NEK7: variants seen among roughly 807,000 people sequenced by gnomAD.
NEK7 encodes serine/threonine-protein kinase Nek7.
In NEK7, 18 loss-of-function variants were observed where a neutral mutation model predicts 44.6. The observed-to-expected ratio is 0.40, with a 90% confidence interval of 0.28 to 0.60. The LOEUF is 0.60. Ranked by LOEUF, NEK7 falls within the 20% of genes least tolerant of loss-of-function variation. The pLI is 0.38. For synonymous variants in NEK7, 130 were observed against 121.1 expected, an observed-to-expected ratio of 1.07 and a Z score of -0.48; for missense variants, 256 against 366.5, an observed-to-expected ratio of 0.70 and a Z score of 2.46.
At chr1:198,292,735 C>G (rs1298518554) in intron 7 of NEK7, among the ~76,000 whole-genome samples, 1 of 151,852 alleles carries the variant, frequency 6.6e-6, no homozygotes, top group Non-Finnish European at 1.5e-5. Flanking sequence ...TAACCCACCA[C>G]ATTGTTTAGT....
intron 1 of NEK7, among the ~76,000 whole-genome samples, chr1:198,158,097 G>C (rs554711387): frequency 5.5e-4 from 83 of 152,272 alleles, no homozygotes; most frequent in African/African-American, 1.9e-3. Context: ...TAAAACCGCA[G>C]CATCCTCTAT....
chr1:198,224,961 G>A (rs1666171196), intron 1 of NEK7, among the ~76,000 whole-genome samples: 1 of 152,106 alleles, frequency 6.6e-6, no homozygotes, highest in African/African-American at 2.4e-5. Context: ...TGGACAGTTG[G>A]ATGTAGGCGT....
At chr1:198,162,713 A>G (rs1240128992) in intron 1 of NEK7, among the ~76,000 whole-genome samples, 1 of 151,598 alleles carries the variant, frequency 6.6e-6, no homozygotes, top group East Asian at 1.9e-4. Flanking sequence ...TGCCATTTCC[A>G]CTTCCTCTGC....
chr1:198,267,898 C>G (rs1277929810), intron 5 of NEK7, among the ~76,000 whole-genome samples: 5 of 151,992 alleles, frequency 3.3e-5, no homozygotes, highest in Non-Finnish European at 5.9e-5. Flanking sequence ...ACCTACCACT[C>G]GTAATGGCTC....
intron 7 of NEK7, among the ~76,000 whole-genome samples, chr1:198,288,513 G>A (rs959793064): frequency 6.6e-6 from 1 of 152,120 alleles, no homozygotes; most frequent in Non-Finnish European, 1.5e-5. Context: ...CAGTTATAAT[G>A]AAATAACCAT....
rs16842669 is a variant in NEK7 at position 198,281,679 on chromosome 1, C to G, written c.589+2618C>G. On this transcript the variant is annotated intron_variant, in intron 7 of 9. Coordinates refer to ENST00000367385, the MANE Select transcript of NEK7 (RefSeq NM_133494.3). ...TCAAAATACATTTTTGTTGAAAAAT[C>G]AAGATACGATTTTAACTCATTTTAA... 9.9e-5 allele frequency among the ~76,000 whole-genome samples: 15 copies of G among 151,962 alleles called. No homozygotes were observed. In the South Asian group the frequency reaches 2.5e-3, roughly 25 times the overall value.
At chr1:198,210,878 A>G (rs1344041010) in intron 1 of NEK7, among the ~76,000 whole-genome samples, 1 of 145,984 alleles carries the variant, frequency 6.9e-6, no homozygotes. Context: ...TCAGCCTCCC[A>G]AGTAGCTGGG....
At chr1:198,201,041 G>A (rs1665416916) in intron 1 of NEK7, among the ~76,000 whole-genome samples, 3 of 152,142 alleles carry the variant, frequency 2.0e-5, no homozygotes, top group South Asian at 4.1e-4. Flanking sequence ...GAGATTTATA[G>A]GATTTTAGGT....
At chr1:198,295,284 AAAG>A (rs1408560573) in intron 8 of NEK7, among the ~76,000 whole-genome samples, 1 of 152,134 alleles carries the variant, frequency 6.6e-6, no homozygotes, top group Non-Finnish European at 1.5e-5. Context: ...GTTCAAAAAA[AAAG>A]AGAGCTGCCA....
At chr1:198,261,036 T>C (rs562254163) in intron 3 of NEK7, among the ~76,000 whole-genome samples, 28 of 152,178 alleles carry the variant, frequency 1.8e-4, no homozygotes, top group African/African-American at 6.7e-4. Context: ...TTGCCTCTTA[T>C]AAGCTGTAAT....
At chr1:198,314,424 C>G (rs1249768620) in intron 9 of NEK7, among the ~76,000 whole-genome samples, 1 of 152,244 alleles carries the variant, frequency 6.6e-6, no homozygotes, top group Non-Finnish European at 1.5e-5. Flanking sequence ...AAGTCTTCTT[C>G]TCTCAGCTTG....
intron 5 of NEK7, among the ~76,000 whole-genome samples, chr1:198,271,922 T>TACAC (rs1404803764): frequency 1.2e-4 from 18 of 145,026 alleles, no homozygotes; most frequent in African/African-American, 2.3e-4. Context: ...TATATATATA[T>TACAC]ATACACACAC....
At chr1:198,201,682 T>C (rs1025037238) in intron 1 of NEK7, among the ~76,000 whole-genome samples, 2 of 152,246 alleles carry the variant, frequency 1.3e-5, no homozygotes, top group Non-Finnish European at 2.9e-5. Flanking sequence ...TTTGTCCTTA[T>C]ATAATTTTTA....
chr1:198,200,930 T>C (rs1050401480), intron 1 of NEK7, among the ~76,000 whole-genome samples: 8 of 152,200 alleles, frequency 5.3e-5, no homozygotes, highest in Admixed American at 1.3e-4. Context: ...TTTATCCTGT[T>C]AGCAATGCTT....
In NEK7 at chr1:198,253,099, A is replaced by G; in HGVS notation, c.117A>G (p.Lys39=). 1 of 1,612,590 alleles carries G rather than the reference A, an allele frequency of 6.2e-7. No individual in the cohort carries two copies. The highest frequency in any genetic ancestry group is 8.5e-7 in the Non-Finnish European group (1 of 1,178,844). Reference sequence around the variant, plus strand: ...TAGCCAACTTTCGAATAGAAAAGAAAATTGGTCGCGGACAATTTAGTGAAG... The same window carrying G: ...TAGCCAACTTTCGAATAGAAAAGAAGATTGGTCGCGGACAATTTAGTGAAG... ...NTLANFRIEK[K]IGRGQFSEVY... The change falls in exon 3 of 10, where the codon AAA becomes AAG. Residue 39 remains lysine, a synonymous_variant. Transcript: ENST00000367385.
At chr1:198,172,089 T>TGCTGAAAAACATGAC (rs1664467059) in intron 1 of NEK7, among the ~76,000 whole-genome samples, 2 of 152,172 alleles carry the variant, frequency 1.3e-5, no homozygotes, top group Non-Finnish European at 2.9e-5. Context: ...GACATATCAG[T>TGCTGAAAAACATGAC]AATGCTGAAA....
intron 9 of NEK7, among the ~76,000 whole-genome samples, chr1:198,310,122 TA>T (rs1279167971): frequency 5.3e-5 from 8 of 152,208 alleles, no homozygotes; most frequent in Non-Finnish European, 1.2e-4. Flanking sequence ...CCTGACTTTT[TA>T]ATGATTGCCA....
At chr1:198,157,523 G>C (rs1011660485) in intron 1 of NEK7, among the ~76,000 whole-genome samples, 3 of 152,208 alleles carry the variant, frequency 2.0e-5, no homozygotes, top group Non-Finnish European at 4.4e-5. Flanking sequence ...CTAGAGGCCC[G>C]AGGCCGCCAA....
rs533977264 is a variant in NEK7 at position 198,216,198 on chromosome 1, A to G, written c.-28-16355A>G. ...ATGATAGGCCACAAAATGAGTCTCA[A>G]TAAATTTATAAAAATAGAAATCACA... is the stretch of plus-strand genomic sequence containing the variant. On this transcript the variant is annotated intron_variant, in intron 1 of 9. Coordinates refer to ENST00000367385, the MANE Select transcript of NEK7 (RefSeq NM_133494.3). Among the ~76,000 whole-genome samples the G allele has an allele frequency of 2.6e-4, 39 of 152,286 alleles. 1 individual carries two copies. The highest frequency in any genetic ancestry group is 8.7e-4 in the African/African-American group (36 of 41,576).
Sources: gnomAD v4.1 joint callset for allele counts (sites outside exome capture counted in the v4.1 genomes callset) on GRCh38, gnomAD v4.1.1 for gene constraint, MANE v1.5 for transcripts, NCBI Gene and HGNC (gene_info 2026-07-23, HGNC 2026-07-21) for gene names.